The following MUC5AC variants were observed in gnomAD, a reference collection of about 807,000 sequenced individuals.
MUC5AC encodes mucin 5AC, oligomeric mucus/gel-forming.
A neutral mutation model predicts 169.7 loss-of-function variants in MUC5AC; 158 were observed. That is an observed-to-expected ratio of 0.93 (90% CI 0.82 to 1.06). The LOEUF (loss-of-function observed/expected upper bound fraction) is 1.06. Among genes scored for constraint, MUC5AC ranks in the 50% least tolerant of loss-of-function variants. The probability of loss-of-function intolerance (pLI) is 0.00; values close to 1 mark genes in which losing one functional copy is unlikely to be tolerated. For missense variants in MUC5AC, 4,359 were observed against 3,089.9 expected (o/e 1.41, Z -9.74); for synonymous variants, 1,975 against 1,237.0 (o/e 1.60, Z -12.52).
rs747333765 is a variant in MUC5AC, at chr11:1,169,043, C to T, written c.1870+17C>T. On this transcript the variant is annotated intron_variant, in intron 15 of 48. Coordinates refer to ENST00000621226, the MANE Select transcript of MUC5AC (RefSeq NM_001304359.2). ...TGGAGAATGGTACGGGTGTCCACGG[C>T]TCGCCTCTGTGCTGGCCGCCTGGCG... is the stretch of plus-strand genomic sequence containing the variant. 16 of 1,548,086 alleles carry T rather than the reference C, an allele frequency of 1.0e-5. No homozygotes were observed. The highest frequency in any genetic ancestry group is 2.7e-5 in the African/African-American group (2 of 73,064).
At chr11:1,161,144 G>A (rs1665016596) in intron 2 of MUC5AC, among the ~76,000 whole-genome samples, 2 of 152,204 alleles carry the variant, frequency 1.3e-5, no homozygotes, top group South Asian at 4.1e-4. Context: ...CCAGGGCAGG[G>A]GGCTTCAGGC....
At position 1,194,581 on chromosome 11, in the gene MUC5AC, A is replaced by T. The variant is rs762606782; in HGVS notation, c.15101A>T (p.Glu5034Val). 3.1e-5 allele frequency: 24 copies of T among 764,486 alleles called. No individual in the cohort carries two copies. The East Asian group carries it at 4.8e-4, about 15-fold the overall frequency. The allele number at this position is 764,486 out of a possible 1,614,324, so 47.4% of individuals were successfully genotyped here. A position where few individuals can be genotyped will look rare whatever the true frequency, so the allele number is the denominator to read the frequency against. Residue 5034 changes from glutamate to valine, a missense_variant, in exon 35 of 49, where the codon GAG (glutamate) becomes GTG (valine). By Grantham distance (121) the Glu-to-Val change is moderately radical. Transcript: ENST00000621226. ...IGVKMYATIPELGVQVMFSGL... is the reference protein window; with the variant it reads ...IGVKMYATIPVLGVQVMFSGL... The stretch of plus-strand genomic sequence containing the variant: ...GTCAAGATGTACGCGACCATCCCGG[A>T]GCTGGGAGTCCAGGTCATGTTCTCC...
At chr11:1,159,554 TGTGC>T (rs1564904397) in intron 1 of MUC5AC, among the ~76,000 whole-genome samples, 365 of 28,876 alleles carry the variant, frequency 0.013, 137 homozygotes, top group Non-Finnish European at 0.014. Flanking sequence ...TGTGCGGGGC[TGTGC>T]GGGGCTGTGC....
intron 11 of MUC5AC, among the ~76,000 whole-genome samples, chr11:1,167,506 G>T (rs576041395): frequency 3.9e-4 from 59 of 152,340 alleles, no homozygotes; most frequent in African/African-American, 1.4e-3. Context: ...AGACAGATGT[G>T]CAGTGTCTTG....
chr11:1,182,013 G>C, intron 30 of MUC5AC, 142 bp from the exon 31 acceptor site: 1 of 397,936 alleles, frequency 2.5e-6, no homozygotes, highest in Non-Finnish European at 4.4e-6. Context: ...CGCTCATGTG[G>C]GTTCTGAGCA....
chr11:1,160,630 C>T lies in MUC5AC; in HGVS notation c.92C>T (p.Ser31Phe), dbSNP rs768621778. The change falls in exon 2 of 49, where the codon TCC (serine) becomes TTC (phenylalanine). Residue 31 changes from serine (S) to phenylalanine (F), a missense_variant. Ser to Phe is a radical substitution (Grantham distance 155). Transcript: ENST00000621226. ...TRHTGHAQDG[S>F]SESSYKHHPA... is the part of the protein sequence containing the mutation. The stretch of plus-strand genomic sequence containing the variant: ...TCTGCAGGCCATGCCCAGGATGGCT[C>T]CTCCGAATCCAGCTACAAGCACCAC... 3.7e-6 allele frequency: 6 copies of T among 1,609,814 alleles called. No individual in the cohort carries two copies. Among genetic ancestry groups the T allele is most frequent in the Non-Finnish European group, 5.1e-6 (6 of 1,179,552 alleles).
At chr11:1,181,073 T>C (rs1860806129) in intron 28 of MUC5AC, 66 bp from the exon 29 acceptor site, 1 of 398,474 alleles carries the variant, frequency 2.5e-6, no homozygotes, top group Non-Finnish European at 4.4e-6. Context: ...GTTGGTAGCA[T>C]GGGATGCCCG....
In MUC5AC at chr11:1,175,269, A is replaced by T; in HGVS notation, c.2400A>T (p.Pro800=). ...GCATCGGAGGCCAAGCCCCCGCCCCAGGTGAGTGCCAGAAAGGAGGCACTG... is the reference window on the plus strand; with the variant it reads ...GCATCGGAGGCCAAGCCCCCGCCCCTGGTGAGTGCCAGAAAGGAGGCACTG... The part of the protein sequence containing the change: ...LSCIGGQAPA[P]VCAAPMVFFD... Residue 800 remains proline (P), a splice_region_variant and synonymous_variant, in exon 19 of 49, where the codon CCA becomes CCT. Coordinates refer to ENST00000621226, the MANE Select transcript of MUC5AC (RefSeq NM_001304359.2). 1 of 398,676 alleles carries T rather than the reference A, an allele frequency of 2.5e-6. No homozygotes were observed. Among genetic ancestry groups the T allele is most frequent in the East Asian group, 3.6e-5 (1 of 28,076 alleles). The allele number at this position is 398,676 out of a possible 1,614,324, so 24.7% of individuals were successfully genotyped here. A position where few individuals can be genotyped will look rare whatever the true frequency, so the allele number is the denominator to read the frequency against.
intron 32 of MUC5AC, 69 bp downstream of exon 32, chr11:1,193,051 T>C: frequency 3.2e-6 from 2 of 615,618 alleles, no homozygotes; most frequent in Non-Finnish European, 5.9e-6. Flanking sequence ...GTCTTTGCAA[T>C]TAGTCTTCAG....
chr11:1,159,446 G>A (rs1393364324), intron 1 of MUC5AC, among the ~76,000 whole-genome samples: 1 of 141,488 alleles, frequency 7.1e-6, no homozygotes, highest in East Asian at 2.2e-4. Flanking sequence ...TGGGGGGTCT[G>A]GTCCCCCCAT....
intron 4 of MUC5AC, among the ~76,000 whole-genome samples, 159 bp from the exon 5 acceptor site, chr11:1,162,373 G>A (rs1487264747): frequency 6.6e-6 from 1 of 152,060 alleles, no homozygotes; most frequent in African/African-American, 2.4e-5. Flanking sequence ...CCCCTTCCTA[G>A]CTCCTCGTGA....
chr11:1,191,243 A>G lies in MUC5AC; in HGVS notation c.13098A>G (p.Thr4366=), dbSNP rs1861089776. 1 of 733,688 alleles carries G rather than the reference A, an allele frequency of 1.4e-6. No individual in the cohort carries two copies. The highest frequency in any genetic ancestry group is 2.5e-6 in the Non-Finnish European group (1 of 399,872). 45.4% of individuals were successfully genotyped at this position (733,688 alleles called of 1,614,324 possible). A position where few individuals can be genotyped will look rare whatever the true frequency, so the allele number is the denominator to read the frequency against. Residue 4366 remains threonine, a synonymous_variant, in exon 31 of 49, where the codon ACA becomes ACG. Coordinates refer to ENST00000621226, the MANE Select transcript of MUC5AC (RefSeq NM_001304359.2). ...CAACCAGCACAACCTCTGCCTCTACAGCCAGCACAACCTCTGGTCCTGGAA... is the reference window on the plus strand; with the variant it reads ...CAACCAGCACAACCTCTGCCTCTACGGCCAGCACAACCTCTGGTCCTGGAA... ...APTTSTTSAS[T]ASTTSGPGTT...
At chr11:1,162,225 G>C in intron 4 of MUC5AC, 57 bp downstream of exon 4, 1 of 1,581,204 alleles carries the variant, frequency 6.3e-7, no homozygotes, top group South Asian at 1.2e-5. Flanking sequence ...GGCATTTCCG[G>C]GTGGTTGCGG....
At position 1,164,468 on chromosome 11, in the gene MUC5AC, C is replaced by T; in HGVS notation, c.1065C>T (p.Cys355=). ...GCCGCTCCCCCTGCGCAGACACCTG[C>T]TCCAACCAGGAGCACTCCCGGGCCT... ...HECRSPCADT[C]SNQEHSRACE... Residue 355 remains cysteine, a synonymous_variant, in exon 9 of 49, where the codon TGC becomes TGT. Coordinates refer to ENST00000621226, the MANE Select transcript of MUC5AC (RefSeq NM_001304359.2). The T allele has an allele frequency of 6.2e-7, 1 of 1,612,032 alleles. No individual in the cohort carries two copies. Among genetic ancestry groups the T allele is most frequent in the Non-Finnish European group, 8.5e-7 (1 of 1,179,612 alleles).
Position 1,187,795 on chromosome 11 carries a change from C to A in MUC5AC, c.9650C>A (p.Pro3217Gln), listed in dbSNP as rs1554928351. The A allele has an allele frequency of 5.2e-6, 4 of 765,130 alleles. No homozygotes were observed. The highest frequency in any genetic ancestry group is 7.2e-6 in the Non-Finnish European group (3 of 417,858). 47.4% of individuals were successfully genotyped at this position (765,130 alleles called of 1,614,324 possible). A position where few individuals can be genotyped will look rare whatever the true frequency, so the allele number is the denominator to read the frequency against. The part of the protein sequence containing the change: ...VSISKTTHSQ[P>Q]VTRDCHLRCT... ...ATATCCAAGACAACCCACTCCCAAC[C>A]AGTCACCAGAGACTGTCATCTCCGG... Residue 3217 changes from proline (P) to glutamine (Q), a missense_variant, in exon 31 of 49, where the codon CCA becomes CAA. Transcript: ENST00000621226.
chr11:1,163,853 GGCAGAGCCCGCCTCTGTGCTTGCC>G lies in MUC5AC; in HGVS notation c.680-23_680del. 1 of 1,546,830 alleles carries G rather than the reference GGCAGAGCCCGCCTCTGTGCTTGCC, an allele frequency of 6.5e-7. No individual in the cohort carries two copies. Among genetic ancestry groups the G allele is most frequent in the South Asian group, 1.2e-5 (1 of 85,556 alleles). ...GGGCTGACGGGTACCGGGACCTGCA[GGCAGAGCCCGCCTCTGTGCTTGCC>G]GCAGACACCAAGCTGACACCCATGG... On this transcript the variant is annotated splice_polypyrimidine_tract_variant and splice_region_variant and intron_variant, in intron 6 of 48. Coordinates refer to ENST00000621226, the MANE Select transcript of MUC5AC (RefSeq NM_001304359.2).
In MUC5AC at chr11:1,187,754, C is replaced by A. The variant is rs1860989963; in HGVS notation, c.9609C>A (p.Ser3203Arg). The A allele has an allele frequency of 2.6e-6, 2 of 765,108 alleles. No individual in the cohort carries two copies. The highest frequency in any genetic ancestry group is 4.8e-6 in the Non-Finnish European group (2 of 417,846). The allele number at this position is 765,108 out of a possible 1,614,324, so 47.4% of individuals were successfully genotyped here. A position where few individuals can be genotyped will look rare whatever the true frequency, so the allele number is the denominator to read the frequency against. ...TTSTASVSKT[S>R]TSHVSISKTT... ...GCACAGCCTCTGTTTCAAAGACCAG[C>A]ACAAGCCATGTTTCCATATCCAAGA... The change falls in exon 31 of 49, where the codon AGC (serine) becomes AGA (arginine). Residue 3203 changes from serine to arginine, a missense_variant. Coordinates refer to ENST00000621226, the MANE Select transcript of MUC5AC (RefSeq NM_001304359.2).
intron 3 of MUC5AC, 94 bp from the exon 4 acceptor site, chr11:1,161,813 C>A: frequency 1.3e-6 from 2 of 1,498,098 alleles, no homozygotes. Flanking sequence ...TCCTGCAGGA[C>A]CCTGGGGAGG....
intron 16 of MUC5AC, among the ~76,000 whole-genome samples, chr11:1,173,732 C>CCACT (rs1454085228): frequency 6.7e-6 from 1 of 148,200 alleles, no homozygotes; most frequent in Admixed American, 6.8e-5. Flanking sequence ...ACGCACTCAT[C>CCACT]CACTCACTCA....
Sources: gnomAD v4.1 joint callset for allele counts (sites outside exome capture counted in the v4.1 genomes callset) on GRCh38, gnomAD v4.1.1 for gene constraint, MANE v1.5 for transcripts, NCBI Gene and HGNC (gene_info 2026-07-23, HGNC 2026-07-21) for gene names.